Variants in NPAS3 observed in about 807,000 individuals in gnomAD.
NPAS3 encodes neuronal PAS domain-containing protein 3.
NPAS3 carries 14 observed loss-of-function variants against 73.1 expected under a neutral mutation model. That is an observed-to-expected ratio of 0.19 (90% CI 0.13 to 0.30). The LOEUF is 0.30. Ranked by LOEUF, NPAS3 falls within the 10% of genes least tolerant of loss-of-function variation. NPAS3 has a pLI of 1.00. For synonymous variants in NPAS3, 620 were observed against 541.5 expected (o/e 1.14, Z -2.01); for missense variants, 1,096 against 1,250.0 (o/e 0.88, Z 1.86).
intron 1 of NPAS3, among the ~76,000 whole-genome samples, chr14:33,007,022 T>C (rs1429376270): frequency 6.6e-6 from 1 of 152,236 alleles, no homozygotes; most frequent in Non-Finnish European, 1.5e-5. Context: ...ATTATGACTT[T>C]TTTTGTTATC....
intron 1 of NPAS3, among the ~76,000 whole-genome samples, chr14:33,008,356 C>G (rs532460932): frequency 5.3e-5 from 8 of 151,964 alleles, no homozygotes; most frequent in Non-Finnish European, 1.0e-4. Flanking sequence ...TTATGCTAAA[C>G]AAAAAAGTCA....
intron 7 of NPAS3, among the ~76,000 whole-genome samples, chr14:33,761,734 A>G (rs971352492): frequency 1.4e-4 from 22 of 152,224 alleles, no homozygotes; most frequent in African/African-American, 5.1e-4. Flanking sequence ...GAGGAAGGAA[A>G]TTTTTTAAAA....
downstream of NPAS3, chr14:33,801,332 C>T: frequency 2.5e-6 from 2 of 815,366 alleles, no homozygotes; most frequent in South Asian, 1.9e-5. Flanking sequence ...AGTTGCCTGC[C>T]GTTTTGTCTT....
At chr14:33,198,409 T>C (rs1247789706) in intron 2 of NPAS3, among the ~76,000 whole-genome samples, 2 of 152,196 alleles carry the variant, frequency 1.3e-5, no homozygotes, top group African/African-American at 4.8e-5. Flanking sequence ...TTGGCAGATT[T>C]ACAATTCCTG....
chr14:33,289,365 TTTG>T (rs925239910), intron 3 of NPAS3, among the ~76,000 whole-genome samples: 28 of 152,148 alleles, frequency 1.8e-4, no homozygotes, highest in Admixed American at 3.9e-4. Context: ...ACATATAAAA[TTTG>T]TTATCTTCTC....
intron 2 of NPAS3, among the ~76,000 whole-genome samples, chr14:33,080,022 A>G (rs949520569): frequency 3.9e-5 from 6 of 152,218 alleles, no homozygotes; most frequent in Non-Finnish European, 7.3e-5. Context: ...CTCACCCATA[A>G]GAAAGTTACA....
downstream of NPAS3, chr14:33,801,124 T>TTTTTTAATGATAC: frequency 1.9e-6 from 3 of 1,564,838 alleles, no homozygotes; most frequent in Admixed American, 3.8e-5. Flanking sequence ...CCGCCCGTCC[T>TTTTTTAATGATAC]GGGCCCGGCC....
At chr14:33,098,273 G>A (rs79517593) in intron 2 of NPAS3, among the ~76,000 whole-genome samples, 1,690 of 152,224 alleles carry the variant, frequency 0.011, 30 homozygotes, top group African/African-American at 0.039. Flanking sequence ...GTTATCATAT[G>A]TGTGCCTCCA....
chr14:33,349,092 A>G (rs1205468774), intron 3 of NPAS3, among the ~76,000 whole-genome samples: 1 of 152,228 alleles, frequency 6.6e-6, no homozygotes, highest in East Asian at 1.9e-4. Context: ...GGTCAGAAGC[A>G]TGTTTCTAGG....
At chr14:33,623,412 T>C (rs1321832489) in intron 5 of NPAS3, among the ~76,000 whole-genome samples, 4 of 152,194 alleles carry the variant, frequency 2.6e-5, no homozygotes, top group Non-Finnish European at 5.9e-5. Context: ...ACCCCATGTA[T>C]AATACATCAG....
intron 2 of NPAS3, among the ~76,000 whole-genome samples, chr14:33,101,312 G>A (rs779169434): frequency 7.9e-5 from 12 of 152,082 alleles, no homozygotes; most frequent in African/African-American, 2.9e-4. Context: ...ATTTAAAAAG[G>A]GAAGTTATAA....
intron 4 of NPAS3, among the ~76,000 whole-genome samples, chr14:33,371,275 G>A (rs946032649): frequency 1.3e-5 from 2 of 152,152 alleles, no homozygotes; most frequent in African/African-American, 4.8e-5. Context: ...GCTGTGCGGA[G>A]TAAGTGTAGA....
intron 3 of NPAS3, among the ~76,000 whole-genome samples, chr14:33,230,608 TAC>T (rs926634716): frequency 3.7e-4 from 56 of 152,310 alleles, no homozygotes; most frequent in Non-Finnish European, 1.3e-4. Flanking sequence ...TAACATTTAA[TAC>T]AGACTTATTC....
intron 5 of NPAS3, among the ~76,000 whole-genome samples, chr14:33,658,442 C>A (rs2059212337): frequency 6.6e-6 from 1 of 152,106 alleles, no homozygotes; most frequent in African/African-American, 2.4e-5. Flanking sequence ...TTCACATATC[C>A]CCCGAGGTAA....
intron 4 of NPAS3, among the ~76,000 whole-genome samples, chr14:33,393,474 C>T (rs1389085623): frequency 6.6e-6 from 1 of 152,114 alleles, no homozygotes; most frequent in Non-Finnish European, 1.5e-5. Flanking sequence ...TCCGGAGCCT[C>T]CTGCTTCCAG....
upstream of NPAS3, among the ~76,000 whole-genome samples, chr14:32,937,486 C>T (rs1342250266): frequency 6.6e-6 from 1 of 152,062 alleles, no homozygotes; most frequent in Non-Finnish European, 1.5e-5. Flanking sequence ...TTTCCCTTCT[C>T]TGCCAGCCCA....
At chr14:33,386,804 T>C (rs745985731) in intron 4 of NPAS3, among the ~76,000 whole-genome samples, 148 of 152,178 alleles carry the variant, frequency 9.7e-4, no homozygotes, top group Admixed American at 5.6e-3. Context: ...CTAACAGTGA[T>C]TGACGTTAAT....
chr14:33,634,353 AG>A (rs1434316357), intron 5 of NPAS3, among the ~76,000 whole-genome samples: 7 of 152,178 alleles, frequency 4.6e-5, no homozygotes, highest in Non-Finnish European at 8.8e-5. Flanking sequence ...CCTGCATTTT[AG>A]GGGTTCTGTG....
intron 2 of NPAS3, among the ~76,000 whole-genome samples, chr14:33,134,331 C>A (rs1023529402): frequency 3.3e-5 from 5 of 151,994 alleles, no homozygotes; most frequent in Non-Finnish European, 7.4e-5. Flanking sequence ...TCGCATTTCC[C>A]TTGATCTCAG....
Sources: gnomAD v4.1 joint callset for allele counts (sites outside exome capture counted in the v4.1 genomes callset) on GRCh38, gnomAD v4.1.1 for gene constraint, MANE v1.5 for transcripts, NCBI Gene and HGNC (gene_info 2026-07-23, HGNC 2026-07-21) for gene names.